Variants in KHDRBS2 observed in about 807,000 individuals in gnomAD.
KHDRBS2 encodes KH domain-containing, RNA-binding, signal transduction-associated protein 2.
In KHDRBS2, 26 loss-of-function variants were observed where a neutral mutation model predicts 44.3. The observed-to-expected ratio is 0.59, with a 90% confidence interval of 0.43 to 0.81. The LOEUF (loss-of-function observed/expected upper bound fraction) is 0.81. Ranked by LOEUF, KHDRBS2 falls within the 40% of genes least tolerant of loss-of-function variation. KHDRBS2 has a pLI of 0.00. For synonymous variants in KHDRBS2, 194 were observed against 151.1 expected (o/e 1.28, Z -2.08); for missense variants, 476 against 433.1 (o/e 1.10, Z -0.88).
intron 1 of KHDRBS2, among the ~76,000 whole-genome samples, chr6:62,198,339 C>G (rs779977827): frequency 6.6e-6 from 1 of 151,722 alleles, no homozygotes; most frequent in African/African-American, 2.4e-5. Context: ...AGACCGCTAG[C>G]AAGACTAATA....
chr6:61,882,106 C>T (rs1485434325), intron 6 of KHDRBS2, among the ~76,000 whole-genome samples: 1 of 151,988 alleles, frequency 6.6e-6, no homozygotes, highest in Admixed American at 6.6e-5. Context: ...TACACAATCT[C>T]TGTGATTCTT....
chr6:61,568,298 G>C, the KHDRBS2 span, among the ~76,000 whole-genome samples: 2 of 152,020 alleles, frequency 1.3e-5, no homozygotes, highest in Non-Finnish European at 2.9e-5. Flanking sequence ...CATTCTTTTT[G>C]TTTAAGATTT....
chr6:61,744,764 C>G (rs1197998365), intron 6 of KHDRBS2, among the ~76,000 whole-genome samples: 1 of 151,986 alleles, frequency 6.6e-6, no homozygotes, highest in African/African-American at 2.4e-5. Context: ...TTCTATATAA[C>G]ATTTTACCCA....
At chr6:61,570,355 C>T in the KHDRBS2 span, among the ~76,000 whole-genome samples, 1 of 151,784 alleles carries the variant, frequency 6.6e-6, no homozygotes, top group Non-Finnish European at 1.5e-5. Context: ...TAAATTAAGC[C>T]AGTCAGACAA....
In KHDRBS2 at chr6:62,154,496, T is replaced by C. The variant is rs562352289; in HGVS notation, c.219+22689A>G. On this transcript the variant is annotated intron_variant, in intron 2 of 8. Coordinates refer to ENST00000281156, the MANE Select transcript of KHDRBS2 (RefSeq NM_152688.4). ...TAATATAAGACCTGGTTTTTATCTA[T>C]TGAAAAAAAGTAGGGTTCTGATTTA... Among the ~76,000 whole-genome samples the C allele has an allele frequency of 2.0e-3, 302 of 151,934 alleles. 1 individual carries two copies. Among genetic ancestry groups the C allele is most frequent in the Middle Eastern group, 0.014 (4 of 294 alleles).
the KHDRBS2 span, among the ~76,000 whole-genome samples, chr6:61,596,940 G>A: frequency 2.4e-4 from 36 of 152,144 alleles, no homozygotes; most frequent in African/African-American, 7.9e-4. Flanking sequence ...GTGAGCCACC[G>A]TGCCCAGCCA....
rs1462536262 is a variant in KHDRBS2, at chr6:61,721,566, T to C, written c.893+11116A>G. On this transcript the variant is annotated intron_variant, in intron 7 of 8. Transcript: ENST00000281156. ...ATTGTGAATGGGAGTTCACTCATGA[T>C]TTGGCTCTCTGTTTGTCTGTTGTTG... is the stretch of plus-strand genomic sequence containing the variant. 7.2e-5 allele frequency among the ~76,000 whole-genome samples: 10 copies of C among 139,414 alleles called. No homozygotes were observed. The South Asian group carries it at 2.4e-3, about 33-fold the overall frequency. The allele number at this position is 139,414 out of a possible 152,430, so 91.5% of individuals were successfully genotyped here. A position where few individuals can be genotyped will look rare whatever the true frequency, so the allele number is the denominator to read the frequency against.
At chr6:61,561,661 C>T in the KHDRBS2 span, among the ~76,000 whole-genome samples, 1 of 152,126 alleles carries the variant, frequency 6.6e-6, no homozygotes, top group Non-Finnish European at 1.5e-5. Flanking sequence ...GCCATGGTAT[C>T]ACTGATGTTC....
chr6:61,579,281 T>C, the KHDRBS2 span, among the ~76,000 whole-genome samples: 2 of 152,184 alleles, frequency 1.3e-5, no homozygotes, highest in African/African-American at 4.8e-5. Context: ...TTGGACTCCG[T>C]GTCTGGAAAT....
intron 6 of KHDRBS2, among the ~76,000 whole-genome samples, chr6:61,737,510 C>A (rs1203354182): frequency 6.6e-6 from 1 of 151,986 alleles, no homozygotes; most frequent in African/African-American, 2.4e-5. Context: ...AGCATAACAA[C>A]GTTTAAGATG....
the KHDRBS2 span, among the ~76,000 whole-genome samples, chr6:61,619,803 C>T: frequency 1.1e-4 from 16 of 152,052 alleles, no homozygotes; most frequent in Admixed American, 1.0e-3. Context: ...ATATACCACG[C>T]TTTCTTCATC....
rs149022318 is a variant in KHDRBS2 at position 62,050,322 on chromosome 6, A to T, written c.220-2328T>A. Among the ~76,000 whole-genome samples the T allele has an allele frequency of 1.5e-3, 235 of 152,094 alleles. 1 individual carries two copies. The highest frequency in any genetic ancestry group is 1.6e-3 in the Non-Finnish European group (109 of 67,964). On this transcript the variant is annotated intron_variant, in intron 2 of 8. Transcript: ENST00000281156. ...AAGGGGAGGGATATCATTAGGAGAA[A>T]TACCTAATGTAGATGATGTGTTGAC...
At chr6:61,561,976 A>G in the KHDRBS2 span, among the ~76,000 whole-genome samples, 1 of 152,110 alleles carries the variant, frequency 6.6e-6, no homozygotes, top group Non-Finnish European at 1.5e-5. Context: ...GCTGCTTCAC[A>G]TATGTCTTCA....
At chr6:61,765,537 A>T (rs1328939894) in intron 6 of KHDRBS2, among the ~76,000 whole-genome samples, 2 of 152,174 alleles carry the variant, frequency 1.3e-5, no homozygotes, top group South Asian at 4.1e-4. Context: ...TTATGGGTAC[A>T]TAATAGGCAT....
intron 6 of KHDRBS2, among the ~76,000 whole-genome samples, chr6:61,737,718 T>G (rs1775588589): frequency 6.6e-6 from 1 of 152,006 alleles, no homozygotes; most frequent in Non-Finnish European, 1.5e-5. Flanking sequence ...AGGCATGGAC[T>G]CCGGCTTTAT....
chr6:61,852,584 T>TC (rs1213546194), intron 6 of KHDRBS2, among the ~76,000 whole-genome samples: 3 of 151,102 alleles, frequency 2.0e-5, no homozygotes, highest in Non-Finnish European at 4.4e-5. Context: ...AAAAAAGATT[T>TC]CCCCCCCTTT....
chr6:62,037,651 C>A (rs1007927249), intron 3 of KHDRBS2, among the ~76,000 whole-genome samples: 41 of 151,864 alleles, frequency 2.7e-4, no homozygotes, highest in African/African-American at 9.2e-4. Context: ...TGGAAATGTT[C>A]CAAATTCTTT....
chr6:62,062,184 C>A (rs1374449274), intron 2 of KHDRBS2, among the ~76,000 whole-genome samples: 1 of 148,594 alleles, frequency 6.7e-6, no homozygotes, highest in Non-Finnish European at 1.5e-5. Context: ...TAATGGGAGA[C>A]TTTAACACCC....
At chr6:62,129,136 T>C (rs1323560970) in intron 2 of KHDRBS2, among the ~76,000 whole-genome samples, 9 of 152,104 alleles carry the variant, frequency 5.9e-5, no homozygotes, top group Admixed American at 5.2e-4. Flanking sequence ...ATGGATAAAA[T>C]AACAACTACT....
Sources: allele counts gnomAD v4.1 joint callset (sites outside exome capture counted in the v4.1 genomes callset), GRCh38; gene constraint gnomAD v4.1.1; transcripts MANE v1.5; gene names NCBI Gene and HGNC (gene_info 2026-07-23, HGNC 2026-07-21).